Variants in MAGI2 observed in about 807,000 individuals in gnomAD.
MAGI2 encodes the protein membrane-associated guanylate kinase, WW and PDZ domain-containing protein 2.
Under a neutral mutation model 133.3 loss-of-function variants are expected in MAGI2, and 35 were observed. The ratio of observed to expected loss-of-function variants is 0.26; its 90% CI spans 0.20 to 0.35. MAGI2 has a LOEUF of 0.35. Among genes scored for constraint, MAGI2 ranks in the 10% least tolerant of loss-of-function variants. The probability of loss-of-function intolerance (pLI) is 1.00; values close to 1 mark genes in which losing one functional copy is unlikely to be tolerated. For synonymous variants in MAGI2, 729 were observed against 710.6 expected (o/e 1.03, Z -0.41); for missense variants, 1,636 against 1,863.4 (o/e 0.88, Z 2.25).
At chr7:79,120,250 C>T (rs1239715812) in intron 1 of MAGI2, among the ~76,000 whole-genome samples, 1 of 151,974 alleles carries the variant, frequency 6.6e-6, no homozygotes, top group African/African-American at 2.4e-5. Context: ...CTGTTTAAAG[C>T]TATGTTACAT....
At chr7:78,196,723 G>A (rs1828775164) in intron 11 of MAGI2, among the ~76,000 whole-genome samples, 2 of 152,200 alleles carry the variant, frequency 1.3e-5, no homozygotes, top group Admixed American at 1.3e-4. Context: ...TGTTGAGCCA[G>A]CAAACTGGAA....
chr7:78,426,880 G>A (rs1799330520), intron 6 of MAGI2, among the ~76,000 whole-genome samples: 1 of 152,102 alleles, frequency 6.6e-6, no homozygotes. Context: ...AGCAGCCAGA[G>A]AAAAGCAACA....
chr7:78,545,209 ATTCT>A (rs1481942740), intron 3 of MAGI2, among the ~76,000 whole-genome samples: 2 of 121,000 alleles, frequency 1.7e-5, no homozygotes, highest in African/African-American at 3.1e-5. Flanking sequence ...TAATAACCTG[ATTCT>A]TTTTTTTTTT....
At chr7:79,067,645 A>C (rs899571133) in intron 1 of MAGI2, among the ~76,000 whole-genome samples, 1 of 152,208 alleles carries the variant, frequency 6.6e-6, no homozygotes, top group South Asian at 2.1e-4. Context: ...TACTATGTTG[A>C]ACATGAGTGG....
chr7:79,429,709 A>T (rs964586172), intron 1 of MAGI2, among the ~76,000 whole-genome samples: 6 of 152,152 alleles, frequency 3.9e-5, no homozygotes, highest in Non-Finnish European at 7.3e-5. Context: ...AAGGAAGCAA[A>T]AAAGGTAAAA....
intron 2 of MAGI2, among the ~76,000 whole-genome samples, chr7:78,709,184 A>G (rs976181385): frequency 3.9e-5 from 6 of 152,122 alleles, no homozygotes; most frequent in African/African-American, 1.4e-4. Flanking sequence ...TAACTATGTC[A>G]TACAAAGCCT....
In MAGI2 at chr7:78,749,514, T is replaced by C. The variant is rs1273514293; in HGVS notation, c.419-122275A>G. 1.3e-5 allele frequency among the ~76,000 whole-genome samples: 2 copies of C among 152,096 alleles called. 1 individual carries two copies. Among genetic ancestry groups the C allele is most frequent in the African/African-American group, 4.8e-5 (2 of 41,428 alleles). On this transcript the variant is annotated intron_variant, in intron 2 of 21. Transcript: ENST00000354212. Reference sequence around the variant, plus strand: ...TCCATTAGAAATAAGGTAATCAGCATAGGCCACAAAACAAAGACGACATTT... The same window carrying C: ...TCCATTAGAAATAAGGTAATCAGCACAGGCCACAAAACAAAGACGACATTT...
At chr7:78,149,102 T>A (rs571298280) in intron 16 of MAGI2, among the ~76,000 whole-genome samples, 1 of 152,154 alleles carries the variant, frequency 6.6e-6, no homozygotes, top group Admixed American at 6.5e-5. Flanking sequence ...ATTTAATTAT[T>A]TGAAATCAAA....
intron 1 of MAGI2, among the ~76,000 whole-genome samples, chr7:79,220,532 T>A (rs1830369684): frequency 6.6e-6 from 1 of 151,936 alleles, no homozygotes; most frequent in South Asian, 2.1e-4. Flanking sequence ...GCATCCTCCA[T>A]GCACTCCCAT....
At chr7:78,401,041 G>C (rs933731851) in intron 6 of MAGI2, among the ~76,000 whole-genome samples, 2 of 150,916 alleles carry the variant, frequency 1.3e-5, no homozygotes, top group Non-Finnish European at 2.9e-5. Context: ...CTTCTATCTA[G>C]AATGGTTTCT....
At chr7:79,267,165 C>T (rs1405828608) in intron 1 of MAGI2, among the ~76,000 whole-genome samples, 1 of 152,150 alleles carries the variant, frequency 6.6e-6, no homozygotes, top group Non-Finnish European at 1.5e-5. Context: ...TGCTTGTCAG[C>T]CAATGGGGAG....
chr7:79,398,966 T>G (rs1845253870), intron 1 of MAGI2, among the ~76,000 whole-genome samples: 1 of 152,132 alleles, frequency 6.6e-6, no homozygotes, highest in South Asian at 2.1e-4. Flanking sequence ...TTGGCCAAGC[T>G]ATTCCATGTT....
chr7:78,277,908 G>A (rs1378499273), intron 9 of MAGI2, among the ~76,000 whole-genome samples: 1 of 152,086 alleles, frequency 6.6e-6, no homozygotes, highest in Admixed American at 6.6e-5. Flanking sequence ...ATCAGAGCAG[G>A]CAGACAGAAG....
intron 2 of MAGI2, among the ~76,000 whole-genome samples, chr7:78,817,511 C>T (rs906917942): frequency 6.6e-6 from 1 of 152,126 alleles, no homozygotes; most frequent in Non-Finnish European, 1.5e-5. Flanking sequence ...AAAATTGTCA[C>T]TCCCATCCCA....
In MAGI2 at chr7:79,010,126, G is replaced by C. The variant is rs1319395787; in HGVS notation, c.302-2920C>G. Among the ~76,000 whole-genome samples, 3 of 151,706 alleles carry C rather than the reference G, an allele frequency of 2.0e-5. No homozygotes were observed. The East Asian group carries it at 5.8e-4, about 30-fold the overall frequency. ...ATATACACATATATACACATATATA[G>C]ATGTGTATAATACATGTGTGTATAC... On this transcript the variant is annotated intron_variant, in intron 1 of 21. Transcript: ENST00000354212.
Position 78,322,855 on chromosome 7 carries a change from C to G in MAGI2, c.1408+20923G>C, listed in dbSNP as rs964163061. Among the ~76,000 whole-genome samples, 13 of 152,024 alleles carry G rather than the reference C, an allele frequency of 8.6e-5. No homozygotes were observed. The East Asian group carries it at 2.1e-3, about 25-fold the overall frequency. Reference sequence around the variant, plus strand: ...AACTCAGAGTCTTAAGTTGTCCTGTCTTTGGAGTTTCGACCCTAAGGAAAT... The same window carrying G: ...AACTCAGAGTCTTAAGTTGTCCTGTGTTTGGAGTTTCGACCCTAAGGAAAT... On this transcript the variant is annotated intron_variant, in intron 9 of 21. Coordinates refer to ENST00000354212, the MANE Select transcript of MAGI2 (RefSeq NM_012301.4).
At chr7:78,665,583 T>C (rs1031821122) in intron 2 of MAGI2, among the ~76,000 whole-genome samples, 5 of 152,176 alleles carry the variant, frequency 3.3e-5, no homozygotes, top group African/African-American at 1.2e-4. Flanking sequence ...ATTTGGATTA[T>C]TACTTGAAAA....
intron 6 of MAGI2, among the ~76,000 whole-genome samples, chr7:78,391,386 C>A (rs1461689075): frequency 6.8e-6 from 1 of 146,614 alleles, no homozygotes; most frequent in East Asian, 1.9e-4. Context: ...TTTAAAAATT[C>A]TCTGGCATTC....
At chr7:78,340,205 G>A (rs1053760276) in intron 9 of MAGI2, among the ~76,000 whole-genome samples, 11 of 152,080 alleles carry the variant, frequency 7.2e-5, no homozygotes, top group Non-Finnish European at 1.5e-4. Context: ...CATGACAATG[G>A]GGATAGAGTA....
Sources: allele counts gnomAD v4.1 joint callset (sites outside exome capture counted in the v4.1 genomes callset), GRCh38; gene constraint gnomAD v4.1.1; transcripts MANE v1.5; gene names NCBI Gene and HGNC (gene_info 2026-07-23, HGNC 2026-07-21).